ADGRB1: variants seen among roughly 807,000 people sequenced by gnomAD.
ADGRB1 encodes brain-specific angiogenesis inhibitor 1.
Under a neutral mutation model 175.7 loss-of-function variants are expected in ADGRB1, and 36 were observed. The ratio of observed to expected loss-of-function variants is 0.20; its 90% CI spans 0.16 to 0.27. ADGRB1 has a LOEUF of 0.27. Among genes scored for constraint, ADGRB1 ranks in the 10% least tolerant of loss-of-function variants. The probability of loss-of-function intolerance (pLI) is 1.00; values close to 1 mark genes in which losing one functional copy is unlikely to be tolerated. For synonymous variants in ADGRB1, 1,054 were observed against 979.4 expected, an observed-to-expected ratio of 1.08 and a Z score of -1.42; for missense variants, 1,731 against 2,255.3, an observed-to-expected ratio of 0.77 and a Z score of 4.71.
At chr8:142,454,458 C>A (rs1839542020) in intron 1 of ADGRB1, among the ~76,000 whole-genome samples, 1 of 152,188 alleles carries the variant, frequency 6.6e-6, no homozygotes, top group South Asian at 2.1e-4. Flanking sequence ...CACACGGCAC[C>A]CCCGCCCCGC....
intron 1 of ADGRB1, among the ~76,000 whole-genome samples, chr8:142,453,177 C>G (rs1404376435): frequency 1.3e-5 from 2 of 152,128 alleles, no homozygotes; most frequent in Non-Finnish European, 2.9e-5. Context: ...CGTTTGCGTG[C>G]TGGTGTCCAT....
intron 2 of ADGRB1, among the ~76,000 whole-genome samples, chr8:142,472,567 C>T (rs1316181737): frequency 1.3e-5 from 2 of 152,212 alleles, no homozygotes; most frequent in Non-Finnish European, 2.9e-5. Flanking sequence ...TCCATCCTGG[C>T]ATTGATACAT....
intron 23 of ADGRB1, 135 bp downstream of exon 23, chr8:142,524,439 C>G: frequency 9.7e-7 from 1 of 1,027,342 alleles, no homozygotes; most frequent in Non-Finnish European, 1.4e-6. Flanking sequence ...GCCCTCATCA[C>G]CAGGGGGTGG....
intron 2 of ADGRB1, among the ~76,000 whole-genome samples, chr8:142,469,498 T>C (rs1840498878): frequency 6.8e-6 from 1 of 146,500 alleles, no homozygotes; most frequent in African/African-American, 2.5e-5. Flanking sequence ...TGCACGTGCA[T>C]GTGTGAATGT....
chr8:142,533,242 G>T, intron 24 of ADGRB1, 53 bp from the exon 25 acceptor site: 2 of 1,448,142 alleles, frequency 1.4e-6, no homozygotes, highest in African/African-American at 1.4e-5. Flanking sequence ...TCAGGGCAGG[G>T]TGTCCCTGGG....
rs1052578017 is a variant in ADGRB1 at position 142,475,621 on chromosome 8, G to C, written c.932G>C (p.Arg311Pro). 7 of 1,231,442 alleles carry C rather than the reference G, an allele frequency of 5.7e-6. No homozygotes were observed. Among genetic ancestry groups the C allele is most frequent in the Non-Finnish European group, 7.1e-6 (7 of 987,430 alleles). 76.3% of individuals were successfully genotyped at this position (1,231,442 alleles called of 1,614,324 possible). The change falls in exon 3 of 31, where the codon CGC (arginine) becomes CCC (proline). Residue 311 changes from arginine (R) to proline (P), a missense_variant. Around this residue, in one of 8 missense-constraint regions of ADGRB1, gnomAD observed 178 missense variants for 227.8 expected, o/e 0.78. Transcript: ENST00000517894. The stretch of plus-strand genomic sequence containing the variant: ...CTGGAGGAGGGTCGCCAGTGCAACC[G>C]CGAGGCCTGCGGCCGTGAGTGCGGG... ...GVLEEGRQCN[R>P]EACGPAGRTS...
In ADGRB1 at chr8:142,500,101, C is replaced by T. The variant is rs561021050; in HGVS notation, c.2675+9286C>T. On this transcript the variant is annotated intron_variant, in intron 17 of 30. Coordinates refer to ENST00000517894, the MANE Select transcript of ADGRB1 (RefSeq NM_001702.3). ...CGACTGGGGCCCCCAGGGCTTCTCA[C>T]GTTCCTCACAATGCAAGACGCCAGT... Among the ~76,000 whole-genome samples, 11 of 152,222 alleles carry T rather than the reference C, an allele frequency of 7.2e-5. No homozygotes were observed. The East Asian group carries it at 9.7e-4, about 13-fold the overall frequency.
At chr8:142,462,019 G>A (rs1381898066) in intron 1 of ADGRB1, among the ~76,000 whole-genome samples, 1 of 152,032 alleles carries the variant, frequency 6.6e-6, no homozygotes, top group Non-Finnish European at 1.5e-5. Context: ...GTGAGGGGGC[G>A]CCCAGGACAG....
intron 23 of ADGRB1, 27 bp from the exon 24 acceptor site, chr8:142,526,515 A>AC: frequency 1.1e-5 from 6 of 555,454 alleles, no homozygotes; most frequent in Non-Finnish European, 1.3e-5. Flanking sequence ...CCCCACCCCC[A>AC]CACCCCCACC....
intron 9 of ADGRB1, among the ~76,000 whole-genome samples, chr8:142,480,907 T>C (rs116474670): frequency 0.015 from 2,218 of 151,994 alleles, 63 homozygotes; most frequent in African/African-American, 0.052. Context: ...GGGCCCAGGG[T>C]GCTGGCTCCC....
chr8:142,524,454 G>T, intron 23 of ADGRB1, 150 bp downstream of exon 23: 13 of 888,296 alleles, frequency 1.5e-5, no homozygotes, highest in Non-Finnish European at 1.7e-5. Context: ...GGGTGGGGGT[G>T]CCCACAGCCC....
At chr8:142,523,135 G>A (rs970552622) in intron 22 of ADGRB1, among the ~76,000 whole-genome samples, 1 of 152,214 alleles carries the variant, frequency 6.6e-6, no homozygotes, top group Non-Finnish European at 1.5e-5. Context: ...GGCAGGGGTC[G>A]GAGGCTTATT....
chr8:142,511,263 C>T lies in ADGRB1; in HGVS notation c.2817+190C>T, dbSNP rs1843087138. On this transcript the variant is annotated intron_variant, in intron 18 of 30. Coordinates refer to ENST00000517894, the MANE Select transcript of ADGRB1 (RefSeq NM_001702.3). The surrounding 1 kb of genome is among the most constrained non-coding windows in gnomAD (Gnocchi z 4.5). ...CTGGAGAGGGTGGGTGGGCGCCGAG[C>T]GGGTGGCAGTGTGGAGTTGGAGACG... Among the ~76,000 whole-genome samples, 4 of 151,580 alleles carry T rather than the reference C, an allele frequency of 2.6e-5. No individual in the cohort carries two copies. The South Asian group carries it at 8.3e-4, about 32-fold the overall frequency.
chr8:142,491,513 G>C (rs1587332015), intron 17 of ADGRB1, among the ~76,000 whole-genome samples: 1 of 152,246 alleles, frequency 6.6e-6, no homozygotes. Context: ...CTGTGTAAAG[G>C]CCCAAAGTGC....
intron 17 of ADGRB1, among the ~76,000 whole-genome samples, chr8:142,498,163 C>G (rs1587348520): frequency 6.6e-6 from 1 of 152,172 alleles, no homozygotes; most frequent in East Asian, 1.9e-4. Flanking sequence ...GCCCCCCTAC[C>G]CCTGTCTCTT....
At chr8:142,487,578 G>T (rs1490349247) in intron 13 of ADGRB1, among the ~76,000 whole-genome samples, 3 of 152,144 alleles carry the variant, frequency 2.0e-5, no homozygotes, top group Non-Finnish European at 4.4e-5. Context: ...GGCTCCACTG[G>T]GGCCTGTGAG....
rs1840793744 is a variant in ADGRB1, at chr8:142,473,892, TG to T, written c.785-1578del. Among the ~76,000 whole-genome samples the T allele has an allele frequency of 2.6e-5, 4 of 152,222 alleles. No homozygotes were observed. In the South Asian group the frequency reaches 8.3e-4, roughly 32 times the overall value. ...CATTCCTGGCATAGGTGTGGGGAAG[TG>T]GGGCAGGGTGGGGGGCACTCTGGCT... On this transcript the variant is annotated intron_variant, in intron 2 of 30. Transcript: ENST00000517894.
chr8:142,488,621 G>C (rs1841817964), intron 14 of ADGRB1, 114 bp downstream of exon 14: 1 of 1,385,006 alleles, frequency 7.2e-7, no homozygotes, highest in Non-Finnish European at 9.7e-7. Context: ...CGGTTCTCAA[G>C]GGGGTCCTCT....
In ADGRB1 at chr8:142,511,990, C is replaced by T. The variant is rs530802580; in HGVS notation, c.2817+917C>T. On this transcript the variant is annotated intron_variant, in intron 18 of 30. Coordinates refer to ENST00000517894, the MANE Select transcript of ADGRB1 (RefSeq NM_001702.3). The surrounding 1 kb of genome is among the most constrained non-coding windows in gnomAD (Gnocchi z 4.5). Reference sequence around the variant, plus strand: ...GCTGGCCCTTGGGGAACCCCGGGTTCGATGTAGAAGGTAGCGCCTAGCCTC... The same window carrying T: ...GCTGGCCCTTGGGGAACCCCGGGTTTGATGTAGAAGGTAGCGCCTAGCCTC... 2.6e-5 allele frequency among the ~76,000 whole-genome samples: 4 copies of T among 152,310 alleles called. No individual in the cohort carries two copies. The highest frequency in any genetic ancestry group is 7.2e-5 in the African/African-American group (3 of 41,566).
Sources: allele counts gnomAD v4.1 joint callset (sites outside exome capture counted in the v4.1 genomes callset), GRCh38; gene constraint gnomAD v4.1.1; regional missense constraint gnomAD v4.1.1; non-coding constraint Gnocchi (gnomAD v3.1); transcripts MANE v1.5; gene names NCBI Gene and HGNC (gene_info 2026-07-23, HGNC 2026-07-21).